Variants in ADAMTS12 observed in about 807,000 individuals in gnomAD.
ADAMTS12 encodes A disintegrin and metalloproteinase with thrombospondin motifs 12.
In ADAMTS12, 118 loss-of-function variants were observed where a neutral mutation model predicts 167.8. That is an observed-to-expected ratio of 0.70 (90% CI 0.61 to 0.82). ADAMTS12 has a LOEUF of 0.82. Ranked by LOEUF, ADAMTS12 falls within the 40% of genes least tolerant of loss-of-function variation. The probability of loss-of-function intolerance (pLI) is 0.00; values close to 1 mark genes in which losing one functional copy is unlikely to be tolerated. For missense variants in ADAMTS12, 1,916 were observed against 1,998.8 expected, an observed-to-expected ratio of 0.96 and a Z score of 0.79; for synonymous variants, 704 against 716.9, an observed-to-expected ratio of 0.98 and a Z score of 0.29.
intron 5 of ADAMTS12, among the ~76,000 whole-genome samples, chr5:33,678,778 A>G (rs1247612096): frequency 6.6e-6 from 1 of 152,224 alleles, no homozygotes; most frequent in Admixed American, 6.5e-5. Context: ...ATATGATCAG[A>G]GTACCATTTT....
At chr5:33,626,022 C>T (rs998833374) in intron 13 of ADAMTS12, among the ~76,000 whole-genome samples, 1 of 152,176 alleles carries the variant, frequency 6.6e-6, no homozygotes, top group Non-Finnish European at 1.5e-5. Context: ...TGCTGCTACC[C>T]TATGTGGAAA....
At chr5:33,804,175 A>G (rs1352308185) in intron 2 of ADAMTS12, among the ~76,000 whole-genome samples, 3 of 152,228 alleles carry the variant, frequency 2.0e-5, no homozygotes, top group African/African-American at 7.2e-5. Context: ...ATCTTCATTC[A>G]CAGGCCACAG....
chr5:33,874,098 T>C (rs999438870), intron 2 of ADAMTS12, among the ~76,000 whole-genome samples: 11 of 152,166 alleles, frequency 7.2e-5, no homozygotes, highest in African/African-American at 2.4e-4. Flanking sequence ...AACTTAAAAA[T>C]GTCTGCTCTG....
chr5:33,721,778 CCTTT>C lies in ADAMTS12; in HGVS notation c.634+29622_634+29625del, dbSNP rs534294877. On this transcript the variant is annotated intron_variant, in intron 3 of 23. Transcript: ENST00000504830. ...CCTCTCCCTTCACCACCTGCTTCTT[CCTTT>C]ATTTGTTTTCAAGGATAAGTTTTTG... is the stretch of plus-strand genomic sequence containing the variant. 4.3e-4 allele frequency among the ~76,000 whole-genome samples: 65 copies of C among 152,316 alleles called. 1 individual carries two copies. Among genetic ancestry groups the C allele is most frequent in the Non-Finnish European group, 8.4e-4 (57 of 68,028 alleles).
chr5:33,851,453 T>C (rs1749218323), intron 2 of ADAMTS12, among the ~76,000 whole-genome samples: 1 of 152,110 alleles, frequency 6.6e-6, no homozygotes, highest in East Asian at 1.9e-4. Context: ...AGTCTATTTG[T>C]CAAATTTGAA....
At chr5:33,819,425 A>G (rs1322694658) in intron 2 of ADAMTS12, among the ~76,000 whole-genome samples, 1 of 151,716 alleles carries the variant, frequency 6.6e-6, no homozygotes, top group Non-Finnish European at 1.5e-5. Flanking sequence ...CCATTGGTCT[A>G]TGTTTCTGTT....
At chr5:33,802,370 A>G (rs1420821406) in intron 2 of ADAMTS12, among the ~76,000 whole-genome samples, 2 of 152,228 alleles carry the variant, frequency 1.3e-5, no homozygotes. Flanking sequence ...CAAGTACAAC[A>G]TTGGATCCTA....
chr5:33,757,016 C>A, intron 2 of ADAMTS12, among the ~76,000 whole-genome samples: 1 of 152,216 alleles, frequency 6.6e-6, no homozygotes, highest in Non-Finnish European at 1.5e-5. Context: ...TAAATTTAAG[C>A]AGCCACTGGC....
intron 18 of ADAMTS12, among the ~76,000 whole-genome samples, chr5:33,578,889 A>C (rs1746900827): frequency 6.6e-6 from 1 of 152,212 alleles, no homozygotes. Flanking sequence ...GATGTCCACA[A>C]AATATTAAAG....
chr5:33,535,889 A>C (rs1274126353), intron 22 of ADAMTS12, among the ~76,000 whole-genome samples: 1 of 152,042 alleles, frequency 6.6e-6, no homozygotes, highest in African/African-American at 2.4e-5. Context: ...GAAGCTGGGG[A>C]AGAAGCAGAG....
chr5:33,819,894 C>T (rs890822841), intron 2 of ADAMTS12, among the ~76,000 whole-genome samples: 1 of 152,062 alleles, frequency 6.6e-6, no homozygotes. Context: ...TAAAAGTTGG[C>T]CATCTCGGAA....
At chr5:33,663,227 T>A (rs991665651) in intron 5 of ADAMTS12, among the ~76,000 whole-genome samples, 2 of 152,336 alleles carry the variant, frequency 1.3e-5, no homozygotes, top group African/African-American at 4.8e-5. Flanking sequence ...TAATTTTCAT[T>A]GTTACATCAC....
At chr5:33,838,948 T>TA (rs1383938438) in intron 2 of ADAMTS12, among the ~76,000 whole-genome samples, 1 of 151,524 alleles carries the variant, frequency 6.6e-6, no homozygotes, top group Admixed American at 6.6e-5. Flanking sequence ...TTCTGCTGGA[T>TA]AAAAAACGAC....
At chr5:33,653,911 CCT>C (rs1284599406) in intron 7 of ADAMTS12, among the ~76,000 whole-genome samples, 2 of 152,106 alleles carry the variant, frequency 1.3e-5, no homozygotes, top group Non-Finnish European at 2.9e-5. Context: ...TTGTCTTTTT[CCT>C]CTCTTTCTGA....
intron 12 of ADAMTS12, among the ~76,000 whole-genome samples, chr5:33,635,548 G>C (rs1740148037): frequency 6.6e-6 from 1 of 152,146 alleles, no homozygotes; most frequent in African/African-American, 2.4e-5. Context: ...GGGTTTTCTT[G>C]TGGAGATAAA....
intron 3 of ADAMTS12, among the ~76,000 whole-genome samples, chr5:33,712,526 A>G (rs1036978653): frequency 6.6e-6 from 1 of 152,132 alleles, no homozygotes; most frequent in African/African-American, 2.4e-5. Context: ...TGGCAACACT[A>G]AGCCACAGAG....
chr5:33,841,101 A>G (rs1331040180), intron 2 of ADAMTS12, among the ~76,000 whole-genome samples: 1 of 151,848 alleles, frequency 6.6e-6, no homozygotes, highest in Non-Finnish European at 1.5e-5. Flanking sequence ...GGCACACATG[A>G]CCACACAGTC....
At chr5:33,531,215 A>G (rs1462171227) in intron 23 of ADAMTS12, among the ~76,000 whole-genome samples, 1 of 152,224 alleles carries the variant, frequency 6.6e-6, no homozygotes, top group Non-Finnish European at 1.5e-5. Flanking sequence ...CTGTGGCCCT[A>G]CTAATACCTT....
chr5:33,824,983 A>C (rs1650996562), intron 2 of ADAMTS12, among the ~76,000 whole-genome samples: 1 of 152,148 alleles, frequency 6.6e-6, no homozygotes, highest in Admixed American at 6.6e-5. Flanking sequence ...TATTTCTTGG[A>C]GGGGAGCCAT....
Sources: allele counts gnomAD v4.1 joint callset (sites outside exome capture counted in the v4.1 genomes callset), GRCh38; gene constraint gnomAD v4.1.1; transcripts MANE v1.5; gene names NCBI Gene and HGNC (gene_info 2026-07-23, HGNC 2026-07-21).